The following ARSG variants were observed in gnomAD, a reference collection of about 807,000 sequenced individuals.
The protein encoded by ARSG is ASG.
ARSG carries 37 observed loss-of-function variants against 50.5 expected under a neutral mutation model. The ratio of observed to expected loss-of-function variants is 0.73; its 90% CI spans 0.56 to 0.96. The LOEUF (loss-of-function observed/expected upper bound fraction) is 0.96, where lower values mean the gene tolerates loss of function less well. ARSG is among the 50% of genes least tolerant of loss of function. The pLI is 0.00. For missense variants in ARSG, 629 were observed against 675.3 expected, an observed-to-expected ratio of 0.93 and a Z score of 0.76; for synonymous variants, 225 against 254.6, an observed-to-expected ratio of 0.88 and a Z score of 1.11.
intron 11 of ARSG, among the ~76,000 whole-genome samples, chr17:68,418,217 T>C (rs1337880133): frequency 6.6e-6 from 1 of 152,208 alleles, no homozygotes; most frequent in African/African-American, 2.4e-5. Flanking sequence ...GTGTTGATTT[T>C]TGTTTTCACT....
chr17:68,330,984 G>T (rs377373607), intron 2 of ARSG, among the ~76,000 whole-genome samples: 8,759 of 130,116 alleles, frequency 0.067, 493 homozygotes, highest in Middle Eastern at 0.11. Context: ...TTTGCGGGGG[G>T]GGGGGGAGGT....
At position 68,310,909 on chromosome 17, in the gene ARSG, A is replaced by G. The variant is rs79190621; in HGVS notation, c.218+3198A>G. On this transcript the variant is annotated intron_variant, in intron 2 of 11. Transcript: ENST00000621439. ...CCATACCCCATACCACAGCTAACAA[A>G]CTGGAGTTTGGCTGGGTGTGGTGGC... is the stretch of plus-strand genomic sequence containing the variant. 6.9e-3 allele frequency among the ~76,000 whole-genome samples: 1,054 copies of G among 152,210 alleles called. 15 individuals are homozygous for G. Among genetic ancestry groups the G allele is most frequent in the African/African-American group, 0.024 (984 of 41,522 alleles).
intron 2 of ARSG, among the ~76,000 whole-genome samples, chr17:68,314,060 A>G (rs1378495255): frequency 6.6e-6 from 1 of 152,152 alleles, no homozygotes; most frequent in Non-Finnish European, 1.5e-5. Flanking sequence ...TTAAAGACTA[A>G]ATGTCATGCT....
downstream of ARSG, chr17:68,422,043 C>G (rs1024573420): frequency 3.4e-5 from 20 of 584,856 alleles, no homozygotes; most frequent in South Asian, 9.9e-5. Flanking sequence ...AAAAATGTCT[C>G]TGTGTGTGTG....
chr17:68,341,833 T>G (rs1267834553), intron 2 of ARSG, among the ~76,000 whole-genome samples: 1 of 152,092 alleles, frequency 6.6e-6, no homozygotes, highest in Non-Finnish European at 1.5e-5. Flanking sequence ...TTTTTTTAAT[T>G]TTTTGATACA....
intron 10 of ARSG, chr17:68,400,656 G>C (rs1045463787): frequency 3.9e-5 from 6 of 152,260 alleles, no homozygotes; most frequent in African/African-American, 1.2e-4. Context: ...CCCACACACA[G>C]AGCCCTGCAC....
chr17:68,429,589 G>A, the ARSG span, among the ~76,000 whole-genome samples: 3 of 152,002 alleles, frequency 2.0e-5, no homozygotes, highest in East Asian at 5.8e-4. Flanking sequence ...TTTGGGGCAA[G>A]TTTTCTTTTT....
downstream of ARSG, among the ~76,000 whole-genome samples, chr17:68,425,049 C>T (rs2083067640): frequency 6.6e-6 from 1 of 152,208 alleles, no homozygotes; most frequent in Non-Finnish European, 1.5e-5. Context: ...ATCTTGTCTT[C>T]AGTTCCAGGT....
At chr17:68,292,225 G>A (rs1209771461) in intron 1 of ARSG, among the ~76,000 whole-genome samples, 1 of 151,828 alleles carries the variant, frequency 6.6e-6, no homozygotes, top group Non-Finnish European at 1.5e-5. Flanking sequence ...TCCCCGGCCC[G>A]GGGCGCGCGC....
At chr17:68,443,181 G>A in the ARSG span, among the ~76,000 whole-genome samples, 62 of 152,154 alleles carry the variant, frequency 4.1e-4, 1 homozygote, top group African/African-American at 1.5e-3. Flanking sequence ...TGCGATCTCA[G>A]CTCACTGAAG....
At chr17:68,360,062 CG>C (rs1438834075) in intron 6 of ARSG, among the ~76,000 whole-genome samples, 2 of 152,122 alleles carry the variant, frequency 1.3e-5, no homozygotes, top group African/African-American at 4.8e-5. Flanking sequence ...AATGGGGACT[CG>C]GGGCCGTTTA....
At chr17:68,343,507 G>C in intron 2 of ARSG, 97 bp from the exon 3 acceptor site, 1 of 1,197,040 alleles carries the variant, frequency 8.4e-7, no homozygotes, top group Non-Finnish European at 1.2e-6. Flanking sequence ...TTTGATCTTT[G>C]AGCACTGAAA....
At chr17:68,330,444 A>T (rs529525434) in intron 2 of ARSG, among the ~76,000 whole-genome samples, 1 of 152,212 alleles carries the variant, frequency 6.6e-6, no homozygotes, top group South Asian at 2.1e-4. Context: ...TTGGACCAGG[A>T]CATGAGCAGA....
intron 2 of ARSG, among the ~76,000 whole-genome samples, chr17:68,308,541 G>A (rs940070700): frequency 3.9e-5 from 6 of 152,202 alleles, no homozygotes; most frequent in Non-Finnish European, 7.3e-5. Flanking sequence ...TAAAAGCAGT[G>A]TGGACCCAAA....
chr17:68,336,470 A>G (rs2078026080), intron 2 of ARSG, among the ~76,000 whole-genome samples: 1 of 151,802 alleles, frequency 6.6e-6, no homozygotes, highest in Non-Finnish European at 1.5e-5. Context: ...TTGGCCTCCC[A>G]AAATGCTGGG....
chr17:68,438,742 A>G, the ARSG span, among the ~76,000 whole-genome samples: 2 of 152,214 alleles, frequency 1.3e-5, no homozygotes, highest in Non-Finnish European at 2.9e-5. Flanking sequence ...CTGGGATTAC[A>G]GGCGTGTGCC....
At chr17:68,328,446 G>C (rs532331158) in intron 2 of ARSG, among the ~76,000 whole-genome samples, 1 of 152,128 alleles carries the variant, frequency 6.6e-6, no homozygotes, top group Non-Finnish European at 1.5e-5. Context: ...GTCGTATTTG[G>C]ACCCAGGCTT....
rs544894660 is a variant in ARSG, at chr17:68,294,838, C to A, written c.-552+3270C>A. On this transcript the variant is annotated intron_variant, in intron 1 of 11. Transcript: ENST00000621439. ...GGTTTATTTTGTGATTTGGGTTCCT[C>A]CCCCGCAGCACCCCGCCAAATTTCA... is the stretch of plus-strand genomic sequence containing the variant. 7.9e-5 allele frequency among the ~76,000 whole-genome samples: 12 copies of A among 152,252 alleles called. No individual in the cohort carries two copies. The South Asian group carries it at 2.1e-3, about 26-fold the overall frequency.
the ARSG span, among the ~76,000 whole-genome samples, chr17:68,445,212 G>A: frequency 2.6e-5 from 4 of 152,178 alleles, no homozygotes; most frequent in South Asian, 8.3e-4. Context: ...GAGCCACCGC[G>A]TTCAACAGGA....
Sources: allele counts gnomAD v4.1 joint callset (sites outside exome capture counted in the v4.1 genomes callset), GRCh38; gene constraint gnomAD v4.1.1; transcripts MANE v1.5; gene names NCBI Gene and HGNC (gene_info 2026-07-23, HGNC 2026-07-21).